Variants in MTUS1 observed in about 807,000 individuals in gnomAD.
MTUS1 encodes the protein microtubule associated scaffold protein 1, also known as microtubule-associated tumor suppressor 1.
In MTUS1, 109 loss-of-function variants were observed where a neutral mutation model predicts 120.8. The ratio of observed to expected loss-of-function variants is 0.90; its 90% CI spans 0.77 to 1.06. The LOEUF is 1.06. Ranked by LOEUF, MTUS1 falls within the 50% of genes least tolerant of loss-of-function variation. The pLI is 0.00. For synonymous variants in MTUS1, 737 were observed against 550.5 expected (o/e 1.34, Z -4.74); for missense variants, 2,210 against 1,486.3 (o/e 1.49, Z -8.01).
At position 17,684,446 on chromosome 8, in the gene MTUS1, T is replaced by C. The variant is rs1362454566; in HGVS notation, c.2720A>G (p.Gln907Arg). ...TTGGTTTTCACATTTTGTTTTATAT[T>C]GCGTCAATTCAAGTGTTTTCTCAGG... ...LPPEKTLELTQYKTKCENQSG... is the reference protein window; with the variant it reads ...LPPEKTLELTRYKTKCENQSG... The change falls in exon 7 of 15, where the codon CAA (glutamine) becomes CGA (arginine). Residue 907 changes from glutamine to arginine, a missense_variant. Coordinates refer to ENST00000693296, the MANE Select transcript of MTUS1 (RefSeq NM_001363059.2). The C allele has an allele frequency of 6.2e-7, 1 of 1,614,186 alleles. No individual in the cohort carries two copies. Among genetic ancestry groups the C allele is most frequent in the South Asian group, 1.1e-5 (1 of 91,090 alleles).
At chr8:17,795,474 A>T (rs954993934) in intron 1 of MTUS1, among the ~76,000 whole-genome samples, 11 of 152,318 alleles carry the variant, frequency 7.2e-5, no homozygotes, top group African/African-American at 2.6e-4. Flanking sequence ...ATGGTTTAAA[A>T]ACCTCTTCCA....
At position 17,697,257 on chromosome 8, in the gene MTUS1, C is replaced by G. The variant is rs372506311; in HGVS notation, c.2624-12715G>C. ...AAACAGAGATCTATGCGAGACAGAC[C>G]TGTGTGGAAAACAACAGTGCTTCTC... On this transcript the variant is annotated intron_variant, in intron 6 of 14. Transcript: ENST00000693296. 1.5e-5 allele frequency: 25 copies of G among 1,613,414 alleles called. No homozygotes were observed. In the South Asian group the frequency reaches 2.6e-4, roughly 17 times the overall value.
chr8:17,764,376 A>C (rs2049296593), intron 1 of MTUS1, among the ~76,000 whole-genome samples: 1 of 148,106 alleles, frequency 6.8e-6, no homozygotes, highest in African/African-American at 2.5e-5. Context: ...ATTTCTATGC[A>C]CTTGCATTTT....
At chr8:17,710,326 A>G (rs577059626) in intron 6 of MTUS1, among the ~76,000 whole-genome samples, 25 of 152,294 alleles carry the variant, frequency 1.6e-4, no homozygotes, top group Admixed American at 3.9e-4. Flanking sequence ...AAACCCTGCC[A>G]CTGCTTTAAG....
intron 10 of MTUS1, 175 bp from the exon 11 acceptor site, chr8:17,653,673 G>T: frequency 1.8e-6 from 1 of 556,580 alleles, no homozygotes; most frequent in Non-Finnish European, 3.1e-6. Flanking sequence ...GCCTTGAGAG[G>T]TGGTTAGGGT....
chr8:17,666,077 T>G lies in MTUS1; in HGVS notation c.2905+9109A>C, dbSNP rs1030491792. ...TCAGCTCATTCACTGGCCAGCATGC[T>G]GCAGAACAGATGCTTTTTTTTTTTT... On this transcript the variant is annotated intron_variant, in intron 8 of 14. Transcript: ENST00000693296. 2.1e-5 allele frequency among the ~76,000 whole-genome samples: 3 copies of G among 144,294 alleles called. No individual in the cohort carries two copies. The East Asian group carries it at 6.4e-4, about 31-fold the overall frequency. The allele number at this position is 144,294 out of a possible 152,430, so 94.7% of individuals were successfully genotyped here.
intron 4 of MTUS1, chr8:17,723,395 C>T (rs554295926): frequency 2.1e-6 from 1 of 474,956 alleles, no homozygotes; most frequent in African/African-American, 1.9e-5. Context: ...GAGTCCAAAT[C>T]CCCTGGGTTG....
At position 17,755,066 on chromosome 8, in the gene MTUS1, C is replaced by T; in HGVS notation, c.742G>A (p.Asp248Asn). The change falls in exon 2 of 15, where the codon GAT (aspartate) becomes AAT (asparagine). Residue 248 changes from aspartate (D) to asparagine (N), a missense_variant. Coordinates refer to ENST00000693296, the MANE Select transcript of MTUS1 (RefSeq NM_001363059.2). ...AQDMTYTAFSDVVMQSEVFVS... is the reference protein window; with the variant it reads ...AQDMTYTAFSNVVMQSEVFVS... The stretch of plus-strand genomic sequence containing the variant: ...AAAACCTCACTTTGCATCACCACAT[C>T]AGAAAATGCTGTGTAAGTCATGTCT... The T allele has an allele frequency of 6.2e-7, 1 of 1,613,786 alleles. No homozygotes were observed. Among genetic ancestry groups the T allele is most frequent in the East Asian group, 2.2e-5 (1 of 44,878 alleles).
chr8:17,735,913 A>G (rs184949011), intron 3 of MTUS1, among the ~76,000 whole-genome samples: 25 of 152,358 alleles, frequency 1.6e-4, no homozygotes, highest in Admixed American at 1.4e-3. Flanking sequence ...ATAAATGCAA[A>G]GCAGCAGAGA....
chr8:17,693,158 T>G (rs991373006), intron 6 of MTUS1: 6 of 152,192 alleles, frequency 3.9e-5, no homozygotes, highest in African/African-American at 1.4e-4. Context: ...GTCTTTTCCC[T>G]CCACTAACTC....
chr8:17,703,697 T>C (rs989575943), intron 6 of MTUS1, among the ~76,000 whole-genome samples: 14 of 151,634 alleles, frequency 9.2e-5, no homozygotes, highest in Non-Finnish European at 2.1e-4. Flanking sequence ...ACCCTCAGGC[T>C]TACTAGGATT....
At chr8:17,694,798 T>C (rs2130860546) in intron 6 of MTUS1, among the ~76,000 whole-genome samples, 1 of 152,098 alleles carries the variant, frequency 6.6e-6, no homozygotes, top group South Asian at 2.1e-4. Flanking sequence ...AGGAGACAAA[T>C]CATTTAGATA....
chr8:17,684,903 T>C (rs1815433756), intron 6 of MTUS1, among the ~76,000 whole-genome samples: 1 of 152,152 alleles, frequency 6.6e-6, no homozygotes, highest in Admixed American at 6.5e-5. Flanking sequence ...AAGCCTGACT[T>C]TTCTGATCTC....
In MTUS1 at chr8:17,698,471, C is replaced by T. The variant is rs780958440; in HGVS notation, c.2624-13929G>A. ...CACTTAAGCTAATTCCATTAAACCACGAATAGCCTGAGCTCTTAACATTTT... is the reference window on the plus strand; with the variant it reads ...CACTTAAGCTAATTCCATTAAACCATGAATAGCCTGAGCTCTTAACATTTT... On this transcript the variant is annotated intron_variant, in intron 6 of 14. Transcript: ENST00000693296. 3.7e-4 allele frequency among the ~76,000 whole-genome samples: 57 copies of T among 152,100 alleles called. 1 individual carries two copies. Among genetic ancestry groups the T allele is most frequent in the Admixed American group, 2.1e-3 (32 of 15,268 alleles).
At chr8:17,717,872 A>G (rs1243733100) in intron 4 of MTUS1, among the ~76,000 whole-genome samples, 2 of 152,194 alleles carry the variant, frequency 1.3e-5, no homozygotes, top group East Asian at 3.8e-4. Flanking sequence ...AACACGCAAC[A>G]TGAAGTCAGA....
intron 6 of MTUS1, among the ~76,000 whole-genome samples, chr8:17,704,531 C>T (rs1040223638): frequency 2.4e-4 from 36 of 152,172 alleles, no homozygotes; most frequent in Non-Finnish European, 3.7e-4. Context: ...AAAGACTATC[C>T]TTTCCCTATT....
intron 3 of MTUS1, among the ~76,000 whole-genome samples, chr8:17,736,127 C>A (rs899560631): frequency 9.2e-5 from 14 of 152,224 alleles, no homozygotes; most frequent in African/African-American, 2.9e-4. Context: ...AATGGGCAAG[C>A]CTGCACTGTG....
intron 1 of MTUS1, among the ~76,000 whole-genome samples, chr8:17,776,675 T>C (rs909502000): frequency 3.6e-5 from 2 of 55,166 alleles, no homozygotes; most frequent in African/African-American, 1.5e-4. Flanking sequence ...TGAGACTCTG[T>C]CTCAAAAAAA....
rs1166349033 is a variant in MTUS1 at position 17,654,572 on chromosome 8, G to C, written c.3203C>G (p.Ala1068Gly). Residue 1068 changes from alanine to glycine, a missense_variant, in exon 10 of 15, where the codon GCC becomes GGC. Coordinates refer to ENST00000693296, the MANE Select transcript of MTUS1 (RefSeq NM_001363059.2). ...KLELLKKAYEASLSEIKKGHE... is the reference protein window; with the variant it reads ...KLELLKKAYEGSLSEIKKGHE... ...AAAAGCATCCTTGCCTGAAAGGGAG[G>C]CTTCATAGGCCTTCTTTAGCAATTC... 1 of 1,609,122 alleles carries C rather than the reference G, an allele frequency of 6.2e-7. No individual in the cohort carries two copies. The highest frequency in any genetic ancestry group is 2.2e-5 in the East Asian group (1 of 44,862).
Sources: allele counts gnomAD v4.1 joint callset (sites outside exome capture counted in the v4.1 genomes callset), GRCh38; gene constraint gnomAD v4.1.1; transcripts MANE v1.5; gene names NCBI Gene and HGNC (gene_info 2026-07-23, HGNC 2026-07-21).